The following KLRF1 variants were observed in gnomAD, a reference collection of about 807,000 sequenced individuals.
The protein encoded by KLRF1 is killer cell lectin-like receptor subfamily F member 1.
A neutral mutation model predicts 30.7 loss-of-function variants in KLRF1; 27 were observed. The ratio of observed to expected loss-of-function variants is 0.88; its 90% confidence interval spans 0.65 to 1.21. The LOEUF (loss-of-function observed/expected upper bound fraction) is 1.21, where lower values mean the gene tolerates loss of function less well. Among genes scored for constraint, KLRF1 ranks in the 50% most tolerant of loss-of-function variants. The pLI is 0.00. For synonymous variants in KLRF1, 92 were observed against 89.3 expected (o/e 1.03, Z -0.17); for missense variants, 246 against 259.3 (o/e 0.95, Z 0.35).
At chr12:9,843,084 G>T (rs924685362) in intron 5 of KLRF1, among the ~76,000 whole-genome samples, 43 of 152,140 alleles carry the variant, frequency 2.8e-4, no homozygotes, top group African/African-American at 1.0e-3. Context: ...TCGAGATAGG[G>T]ATATTATCCT....
chr12:9,839,249 T>A (rs78708469), intron 3 of KLRF1, among the ~76,000 whole-genome samples: 2,365 of 152,212 alleles, frequency 0.016, 56 homozygotes, highest in African/African-American at 0.054. Flanking sequence ...GATCGCAGAA[T>A]GACTCAAGTT....
chr12:9,841,232 G>A (rs971310623), intron 3 of KLRF1, among the ~76,000 whole-genome samples: 3 of 152,058 alleles, frequency 2.0e-5, no homozygotes, highest in Admixed American at 1.3e-4. Context: ...AACATTGCAT[G>A]TTCTCACTTA....
At position 9,833,399 on chromosome 12, in the gene KLRF1, G is replaced by A. The variant is rs1340740221; in HGVS notation, c.281G>A (p.Arg94Lys). The stretch of plus-strand genomic sequence containing the variant: ...GATCTAAAAGTGAATAATGGCACAA[G>A]AAGAAATATAAGTAATAAGGACCTT... Reference protein sequence around the residue: ...TGDLKVNNGTRRNISNKDLCA... With the variant: ...TGDLKVNNGTKRNISNKDLCA... Residue 94 changes from arginine to lysine, a missense_variant, in exon 3 of 6, where the codon AGA becomes AAA. Coordinates refer to ENST00000617889, the MANE Select transcript of KLRF1 (RefSeq NM_016523.3). The A allele has an allele frequency of 6.2e-7, 1 of 1,612,352 alleles. No individual in the cohort carries two copies. The highest frequency in any genetic ancestry group is 2.2e-5 in the East Asian group (1 of 44,764).
At chr12:9,842,265 A>T (rs1199469546) in intron 4 of KLRF1, 56 bp from the exon 5 acceptor site, 1 of 1,588,350 alleles carries the variant, frequency 6.3e-7, no homozygotes, top group Non-Finnish European at 8.6e-7. Context: ...TAAAATATTC[A>T]GTGTGTCTGA....
the KLRF1 span, among the ~76,000 whole-genome samples, chr12:9,820,569 A>C: frequency 6.6e-6 from 1 of 152,150 alleles, no homozygotes; most frequent in South Asian, 2.1e-4. Flanking sequence ...TCTGGCCCTC[A>C]GCACAGAGCA....
chr12:9,805,780 T>C, the KLRF1 span, among the ~76,000 whole-genome samples: 1 of 152,084 alleles, frequency 6.6e-6, no homozygotes, highest in Non-Finnish European at 1.5e-5. Flanking sequence ...TTGTTTCATT[T>C]AAGTAATCTA....
At chr12:9,804,404 A>G in the KLRF1 span, among the ~76,000 whole-genome samples, 1,258 of 151,936 alleles carry the variant, frequency 8.3e-3, 21 homozygotes, top group African/African-American at 0.029. Context: ...CACTTTTTTG[A>G]TAGTATTATG....
In KLRF1 at chr12:9,838,183, G is replaced by A. The variant is rs753457192; in HGVS notation, c.335-3629G>A. The stretch of plus-strand genomic sequence containing the variant: ...CTGCTCCCACATAGGGATATGGTGA[G>A]CATGCAAGCAGGCCTCTTCTAGTAG... On this transcript the variant is annotated intron_variant, in intron 3 of 5. Transcript: ENST00000617889. Among the ~76,000 whole-genome samples, 3 of 152,208 alleles carry A rather than the reference G, an allele frequency of 2.0e-5. No homozygotes were observed. In the South Asian group the frequency reaches 6.2e-4, roughly 32 times the overall value.
chr12:9,811,862 G>A, the KLRF1 span, among the ~76,000 whole-genome samples: 1 of 152,146 alleles, frequency 6.6e-6, no homozygotes, highest in East Asian at 1.9e-4. Context: ...TATTCATGAA[G>A]GAAGTCAAGC....
chr12:9,805,098 A>G, the KLRF1 span, among the ~76,000 whole-genome samples: 1 of 151,938 alleles, frequency 6.6e-6, no homozygotes, highest in Non-Finnish European at 1.5e-5. Context: ...ACATAGTATT[A>G]TATTATTATC....
the KLRF1 span, among the ~76,000 whole-genome samples, chr12:9,811,162 G>A: frequency 6.7e-6 from 1 of 150,004 alleles, no homozygotes; most frequent in Non-Finnish European, 1.5e-5. Context: ...GAAGCTGGAA[G>A]TATAGAGTAG....
At chr12:9,824,158 G>A (rs1867255865), upstream of KLRF1, among the ~76,000 whole-genome samples, 1 of 151,200 alleles carries the variant, frequency 6.6e-6, no homozygotes, top group Non-Finnish European at 1.5e-5. Flanking sequence ...ACTGGCAGAA[G>A]CACAACAAAA....
chr12:9,835,172 T>G (rs757714686), intron 3 of KLRF1, among the ~76,000 whole-genome samples: 4 of 152,078 alleles, frequency 2.6e-5, no homozygotes, highest in Admixed American at 2.0e-4. Context: ...AATTGAATTT[T>G]GGGAGTAAGG....
upstream of KLRF1, among the ~76,000 whole-genome samples, chr12:9,822,914 C>T (rs1174246315): frequency 6.6e-6 from 1 of 152,140 alleles, no homozygotes; most frequent in Non-Finnish European, 1.5e-5. Flanking sequence ...AGCGAGAAGA[C>T]TTAACTATCC....
the KLRF1 span, among the ~76,000 whole-genome samples, chr12:9,820,157 G>C: frequency 5.3e-5 from 8 of 152,108 alleles, no homozygotes; most frequent in South Asian, 4.1e-4. Flanking sequence ...GTGTGTTTGG[G>C]CCAGCAACAT....
At chr12:9,840,716 T>C (rs1302297286) in intron 3 of KLRF1, among the ~76,000 whole-genome samples, 1 of 152,070 alleles carries the variant, frequency 6.6e-6, no homozygotes, top group Non-Finnish European at 1.5e-5. Flanking sequence ...TTACTTGCAT[T>C]TCCTGTAATG....
the KLRF1 span, among the ~76,000 whole-genome samples, chr12:9,816,669 T>C: frequency 6.6e-6 from 1 of 152,060 alleles, no homozygotes; most frequent in Admixed American, 6.6e-5. Flanking sequence ...TCTAGGTAGA[T>C]GTCACAGTAG....
the KLRF1 span, among the ~76,000 whole-genome samples, chr12:9,808,225 A>G: frequency 7.9e-5 from 12 of 152,138 alleles, no homozygotes; most frequent in Admixed American, 1.3e-4. Context: ...ATTCTGATAC[A>G]TTTGTGGGAT....
chr12:9,840,928 A>G (rs915829554), intron 3 of KLRF1, among the ~76,000 whole-genome samples: 16 of 152,110 alleles, frequency 1.1e-4, no homozygotes, highest in African/African-American at 3.9e-4. Flanking sequence ...ATACCCTTCA[A>G]CCCCGCAATC....
Sources: allele counts gnomAD v4.1 joint callset (sites outside exome capture counted in the v4.1 genomes callset), GRCh38; gene constraint gnomAD v4.1.1; transcripts MANE v1.5; gene names NCBI Gene and HGNC (gene_info 2026-07-23, HGNC 2026-07-21).